Variants in ANK2 observed in about 807,000 individuals in gnomAD.
ANK2 encodes ankyrin-2.
ANK2 carries 83 observed loss-of-function variants against 360.5 expected under a neutral mutation model. The observed-to-expected ratio is 0.23, with a 90% CI of 0.19 to 0.28. The LOEUF (loss-of-function observed/expected upper bound fraction) is 0.28, where lower values mean the gene tolerates loss of function less well. ANK2 is among the 10% of genes least tolerant of loss of function. The pLI is 1.00. For missense variants in ANK2, 4,201 were observed against 4,795.7 expected (o/e 0.88, Z 3.66); for synonymous variants, 1,740 against 1,759.5 (o/e 0.99, Z 0.28).
At chr4:113,221,742 T>C (rs1236910625) in intron 4 of ANK2, among the ~76,000 whole-genome samples, 1 of 152,136 alleles carries the variant, frequency 6.6e-6, no homozygotes, top group African/African-American at 2.4e-5. Context: ...AAATAGATTT[T>C]AAGAAGATTA....
chr4:112,711,207 A>C, the ANK2 span, among the ~76,000 whole-genome samples: 5 of 151,174 alleles, frequency 3.3e-5, no homozygotes, highest in South Asian at 1.0e-3. Context: ...AAAAAAAAAA[A>C]AGTCAGGGTC....
chr4:113,376,218 G>A (rs1215062830), intron 45 of ANK2, among the ~76,000 whole-genome samples: 1 of 152,120 alleles, frequency 6.6e-6, no homozygotes, highest in Non-Finnish European at 1.5e-5. Flanking sequence ...CACAAACCTA[G>A]GTGGTATAGC....
At position 112,827,053 on chromosome 4, in the gene ANK2, G is replaced by A. The variant is rs544086488; in HGVS notation, c.-40+8789G>A. 3.6e-5 allele frequency: 47 copies of A among 1,302,028 alleles called. No individual in the cohort carries two copies. The South Asian group carries it at 5.3e-4, about 15-fold the overall frequency. 80.7% of individuals were successfully genotyped at this position (1,302,028 alleles called of 1,614,324 possible). ...AAGCATGACATTACAGAACTTAACT[G>A]TTGCTGTGAACTTGATCACCCATGC... On this transcript the variant is annotated intron_variant, in intron 1 of 30. Coordinates refer to the ANK2 transcript ENST00000503271.
In ANK2 at chr4:113,339,127, G is replaced by A. The variant is rs1352763223; in HGVS notation, c.3797-99G>A. On this transcript the variant is annotated intron_variant, in intron 31 of 45. Coordinates refer to ENST00000357077, the MANE Select transcript of ANK2 (RefSeq NM_001148.6). ...TGTTTTCAATGTGCCATTTTGAGGG[G>A]TGGGATTTGGCTTGTGAACACAGAA... 1.3e-5 allele frequency: 13 copies of A among 966,440 alleles called. No individual in the cohort carries two copies. The Admixed American group carries it at 2.3e-4, about 17-fold the overall frequency. The allele number at this position is 966,440 out of a possible 1,614,324, so 59.9% of individuals were successfully genotyped here.
chr4:112,898,865 A>G (rs2082468696), intron 1 of ANK2, among the ~76,000 whole-genome samples: 1 of 152,094 alleles, frequency 6.6e-6, no homozygotes, highest in Admixed American at 6.6e-5. Context: ...AGAGGATGGT[A>G]TTTTTCTCTG....
At chr4:112,725,918 T>C in the ANK2 span, among the ~76,000 whole-genome samples, 1 of 152,096 alleles carries the variant, frequency 6.6e-6, no homozygotes, top group Non-Finnish European at 1.5e-5. Flanking sequence ...TTTAAAAATA[T>C]AAATAAATAA....
chr4:113,034,928 G>C (rs1020257011), intron 2 of ANK2: 9 of 151,922 alleles, frequency 5.9e-5, no homozygotes, highest in African/African-American at 2.2e-4. Flanking sequence ...AAATGTTTCT[G>C]TGGGCTATCT....
upstream of ANK2, among the ~76,000 whole-genome samples, chr4:112,813,254 C>G (rs868026951): frequency 7.8e-6 from 1 of 127,668 alleles, no homozygotes; most frequent in Admixed American, 8.0e-5. Flanking sequence ...AAAAAAAAAT[C>G]AAAAAAAAAA....
chr4:113,315,846 A>ACGAT (rs1343705110), intron 24 of ANK2, among the ~76,000 whole-genome samples: 2 of 144,654 alleles, frequency 1.4e-5, no homozygotes, highest in African/African-American at 5.3e-5. Context: ...GCACTGAGCC[A>ACGAT]CGATCGCGCC....
At chr4:112,880,008 AT>A (rs1298274789) in intron 1 of ANK2, among the ~76,000 whole-genome samples, 1 of 152,044 alleles carries the variant, frequency 6.6e-6, no homozygotes, top group African/African-American at 2.4e-5. Context: ...AGCAAAAGTG[AT>A]ATGGCCTTTA....
the ANK2 span, among the ~76,000 whole-genome samples, chr4:112,752,814 C>T: frequency 3.9e-4 from 60 of 152,062 alleles, no homozygotes; most frequent in Admixed American, 5.9e-4. Flanking sequence ...TACAGGCATG[C>T]GCCACGATAC....
chr4:113,042,068 G>A (rs1021224770), intron 2 of ANK2, among the ~76,000 whole-genome samples: 5 of 152,148 alleles, frequency 3.3e-5, no homozygotes, highest in East Asian at 1.9e-4. Context: ...AGAGATTAGC[G>A]TTTGAATCAG....
intron 1 of ANK2, among the ~76,000 whole-genome samples, chr4:113,098,132 T>A (rs954325612): frequency 4.8e-4 from 72 of 151,490 alleles, no homozygotes; most frequent in African/African-American, 1.6e-3. Flanking sequence ...AATCCATCAA[T>A]CTAAGCTTTT....
intron 2 of ANK2, among the ~76,000 whole-genome samples, chr4:113,188,309 A>G (rs1038496421): frequency 2.0e-5 from 3 of 152,228 alleles, no homozygotes; most frequent in African/African-American, 4.8e-5. Context: ...TTATAGTCCT[A>G]TGGGACACAG....
rs75259258 is a variant in ANK2 at position 113,182,569 on chromosome 4, G to A, written c.186+8052G>A. 1.1e-3 allele frequency among the ~76,000 whole-genome samples: 167 copies of A among 151,852 alleles called. 1 individual carries two copies. The East Asian group carries it at 0.03, about 27-fold the overall frequency. On this transcript the variant is annotated intron_variant, in intron 2 of 45. Transcript: ENST00000357077. ...AAGGAGAATGGGAAAGAGTGTCCAGGGATGTAGGAGGAAAACCTGAAGTTG... is the reference window on the plus strand; with the variant it reads ...AAGGAGAATGGGAAAGAGTGTCCAGAGATGTAGGAGGAAAACCTGAAGTTG...
the ANK2 span, among the ~76,000 whole-genome samples, chr4:112,709,268 G>A: frequency 6.6e-6 from 1 of 152,084 alleles, no homozygotes; most frequent in Non-Finnish European, 1.5e-5. Flanking sequence ...AGATTTCGTG[G>A]ACATCAGCCC....
At chr4:113,372,867 G>A (rs2096788883) in intron 43 of ANK2, among the ~76,000 whole-genome samples, 1 of 152,072 alleles carries the variant, frequency 6.6e-6, no homozygotes, top group African/African-American at 2.4e-5. Flanking sequence ...CTCACCTCTC[G>A]CTTTTCTATT....
chr4:112,862,128 A>C (rs1208270779), intron 1 of ANK2, among the ~76,000 whole-genome samples: 1 of 152,222 alleles, frequency 6.6e-6, no homozygotes. Context: ...AAAGGATGTT[A>C]AAGAAAGTAT....
At chr4:112,709,616 G>T in the ANK2 span, among the ~76,000 whole-genome samples, 606 of 152,236 alleles carry the variant, frequency 4.0e-3, 4 homozygotes, top group African/African-American at 0.013. Flanking sequence ...GGGTGTGGTG[G>T]CAGGCACCTG....
Sources: gnomAD v4.1 joint callset for allele counts (sites outside exome capture counted in the v4.1 genomes callset) on GRCh38, gnomAD v4.1.1 for gene constraint, MANE v1.5 for transcripts, NCBI Gene and HGNC (gene_info 2026-07-23, HGNC 2026-07-21) for gene names.